ERI1: variants seen among roughly 807,000 people sequenced by gnomAD.
ERI1 encodes exoribonuclease 1, also known as 3'-5' exoribonuclease 1.
Under a neutral mutation model 39.7 loss-of-function variants are expected in ERI1, and 39 were observed. The observed-to-expected ratio is 0.98, with a 90% CI of 0.76 to 1.28. The LOEUF (loss-of-function observed/expected upper bound fraction) is 1.28. Ranked by LOEUF, ERI1 falls within the 50% of genes most tolerant of loss-of-function variation. The pLI is 0.00. For synonymous variants in ERI1, 204 were observed against 149.6 expected (o/e 1.36, Z -2.65); for missense variants, 581 against 416.9 (o/e 1.39, Z -3.43).
At chr8:9,015,748 A>G (rs974737300) in intron 3 of ERI1, among the ~76,000 whole-genome samples, 1 of 149,644 alleles carries the variant, frequency 6.7e-6, no homozygotes, top group Admixed American at 6.6e-5. Flanking sequence ...AAAAGAGACC[A>G]TCGTGAAAGC....
intron 3 of ERI1, among the ~76,000 whole-genome samples, chr8:9,097,273 A>G (rs17703801): frequency 0.046 from 6,943 of 151,610 alleles, 272 homozygotes; most frequent in Admixed American, 0.068. Context: ...TTTTTTATTC[A>G]CTCATTAACA....
intron 1 of ERI1, chr8:9,004,034 G>GT (rs1815678729): frequency 7.9e-7 from 1 of 1,270,948 alleles, no homozygotes; most frequent in Non-Finnish European, 1.0e-6. Flanking sequence ...GCCTCCCTTG[G>GT]TAATTGCATC....
At chr8:9,091,981 G>A (rs1370090878) in intron 3 of ERI1, among the ~76,000 whole-genome samples, 5 of 152,190 alleles carry the variant, frequency 3.3e-5, no homozygotes, top group Non-Finnish European at 5.9e-5. Context: ...TTTTGAGACA[G>A]GGTCTCACTC....
At chr8:9,039,381 A>T (rs1251242923) in intron 3 of ERI1, among the ~76,000 whole-genome samples, 1 of 152,194 alleles carries the variant, frequency 6.6e-6, no homozygotes, top group Non-Finnish European at 1.5e-5. Context: ...CCATGTCATG[A>T]ATCAAATCAG....
chr8:9,080,268 A>G (rs536647275), intron 3 of ERI1, among the ~76,000 whole-genome samples: 1 of 152,312 alleles, frequency 6.6e-6, no homozygotes, highest in African/African-American at 2.4e-5. Context: ...TCCTCAGATC[A>G]AAGTCCATTT....
At position 9,067,881 on chromosome 8, in the gene ERI1, C is replaced by T. The variant is rs78230352; in HGVS notation, n.299+47417C>T. ...CCTTTTCCTTCTTTCACATTTTCTA[C>T]AATTTTGCCATACATATGAGCACAG... On this transcript the variant is annotated intron_variant and non_coding_transcript_variant, in intron 3 of 3. Coordinates refer to the ERI1 transcript ENST00000518663. Among the ~76,000 whole-genome samples, 1,471 of 151,998 alleles carry T rather than the reference C, an allele frequency of 9.7e-3. 10 individuals carry two copies. Among genetic ancestry groups the T allele is most frequent in the Non-Finnish European group, 0.016 (1,067 of 67,968 alleles).
intron 3 of ERI1, among the ~76,000 whole-genome samples, chr8:9,076,182 G>A (rs1799206983): frequency 6.6e-6 from 1 of 152,258 alleles, no homozygotes; most frequent in Admixed American, 6.5e-5. Context: ...GGGCTCAAGT[G>A]GTCCTCCTAC....
At chr8:9,099,547 A>T (rs1378432658) in intron 3 of ERI1, among the ~76,000 whole-genome samples, 3 of 150,982 alleles carry the variant, frequency 2.0e-5, no homozygotes, top group African/African-American at 7.3e-5. Context: ...GTGAGCTGTG[A>T]CGGTATCATT....
At chr8:9,017,677 G>A (rs1018413969) in intron 4 of ERI1, among the ~76,000 whole-genome samples, 3 of 152,136 alleles carry the variant, frequency 2.0e-5, no homozygotes, top group African/African-American at 7.2e-5. Flanking sequence ...AAGAATGGCT[G>A]GGCATTTCAG....
downstream of ERI1, among the ~76,000 whole-genome samples, chr8:9,034,659 C>T (rs1377828791): frequency 6.6e-6 from 1 of 152,136 alleles, no homozygotes; most frequent in Non-Finnish European, 1.5e-5. Context: ...TTCCCTGAGA[C>T]ACAATATTGA....
chr8:9,063,723 A>G (rs906901739), intron 3 of ERI1, among the ~76,000 whole-genome samples: 1 of 152,204 alleles, frequency 6.6e-6, no homozygotes, highest in Admixed American at 6.5e-5. Context: ...CCCATTTTAC[A>G]ACAAGAATTA....
At chr8:9,099,015 A>G (rs1285401241) in intron 3 of ERI1, among the ~76,000 whole-genome samples, 1 of 151,994 alleles carries the variant, frequency 6.6e-6, no homozygotes, top group Admixed American at 6.5e-5. Context: ...TTGTATTTTT[A>G]GTAGAGACAG....
chr8:9,087,558 T>A (rs1799570824), intron 3 of ERI1, among the ~76,000 whole-genome samples: 1 of 152,070 alleles, frequency 6.6e-6, no homozygotes, highest in Admixed American at 6.6e-5. Flanking sequence ...ACCCTGCCCT[T>A]ATTTTTATTT....
At chr8:9,007,871 C>T in intron 1 of ERI1, 99 bp from the exon 2 acceptor site, 1 of 1,469,620 alleles carries the variant, frequency 6.8e-7, no homozygotes. Flanking sequence ...CATGAAGAGG[C>T]TTCAGAAGTT....
intron 3 of ERI1, among the ~76,000 whole-genome samples, chr8:9,074,616 T>A (rs1799151583): frequency 6.6e-6 from 1 of 152,092 alleles, no homozygotes; most frequent in Admixed American, 6.5e-5. Context: ...TAATTTTTTG[T>A]AGAGCTGAGG....
chr8:9,083,039 TA>T (rs1243033474), intron 3 of ERI1, among the ~76,000 whole-genome samples: 2 of 152,298 alleles, frequency 1.3e-5, no homozygotes, highest in African/African-American at 4.8e-5. Context: ...ATAAGTATAC[TA>T]AAAAAATGTA....
chr8:9,069,042 C>T (rs1798971673), intron 3 of ERI1, among the ~76,000 whole-genome samples: 1 of 152,182 alleles, frequency 6.6e-6, no homozygotes, highest in Non-Finnish European at 1.5e-5. Context: ...TGGTCTCGAA[C>T]TCCTGGGCTC....
intron 6 of ERI1, among the ~76,000 whole-genome samples, chr8:9,022,856 C>G (rs995156713): frequency 6.6e-5 from 10 of 152,048 alleles, no homozygotes; most frequent in African/African-American, 2.4e-4. Flanking sequence ...CATGTGTATC[C>G]CCACCCACTT....
At chr8:9,047,743 CCT>C (rs67110689) in intron 3 of ERI1, among the ~76,000 whole-genome samples, 125,592 of 149,862 alleles carry the variant, frequency 0.84, 51,975 homozygotes, top group South Asian at 0.86. Context: ...CTCTCCCTCC[CCT>C]CTCCCCTTCC....
Sources: gnomAD v4.1 joint callset for allele counts (sites outside exome capture counted in the v4.1 genomes callset) on GRCh38, gnomAD v4.1.1 for gene constraint, MANE v1.5 for transcripts, NCBI Gene and HGNC (gene_info 2026-07-23, HGNC 2026-07-21) for gene names.